The following RHOG variants were observed in gnomAD, a reference collection of about 807,000 sequenced individuals.
The protein encoded by RHOG is rho-related GTP-binding protein RhoG.
In RHOG, 1 loss-of-function variant was observed where a neutral mutation model predicts 12.3. The observed-to-expected ratio is 0.08, with a 90% CI of 0.03 to 0.39. The LOEUF is 0.39. RHOG is among the 10% of genes least tolerant of loss of function. The pLI is 0.99. For missense variants in RHOG, 114 were observed against 266.2 expected, an observed-to-expected ratio of 0.43 and a Z score of 3.98; for synonymous variants, 129 against 116.0, an observed-to-expected ratio of 1.11 and a Z score of -0.72.
intron 1 of RHOG, among the ~76,000 whole-genome samples, chr11:3,831,440 A>G (rs10767640): frequency 0.57 from 76,144 of 133,548 alleles, 19,143 homozygotes; most frequent in Middle Eastern, 0.6. Context: ...GTGCGCGTGC[A>G]CGTGTGCATG....
chr11:3,840,744 C>G (rs1239388649), intron 1 of RHOG, 150 bp downstream of exon 1: 1 of 152,664 alleles, frequency 6.6e-6, no homozygotes, highest in Non-Finnish European at 1.5e-5. Flanking sequence ...CCCGCCCGGC[C>G]GGCCGCGCCC....
At chr11:3,832,987 T>G (rs2090138972) in intron 1 of RHOG, among the ~76,000 whole-genome samples, 1 of 151,898 alleles carries the variant, frequency 6.6e-6, no homozygotes, top group Non-Finnish European at 1.5e-5. Context: ...TGTACACTAG[T>G]CAAGGTTATC....
In RHOG at chr11:3,828,133, C is replaced by G; in HGVS notation, c.6G>C (p.Gln2His). ...CACCCACCACCACGCACTTGATGCT[C>G]TGCATCGTGGGTGCAGTTGCTGTAG... M[Q>H]SIKCVVVGDG... Residue 2 changes from glutamine (Q) to histidine (H), a missense_variant, in exon 2 of 2, where the codon CAG becomes CAC. This residue lies in a region of RHOG where 53 missense variants were observed against 164.8 expected (regional missense o/e 0.32). Coordinates refer to ENST00000351018, the MANE Select transcript of RHOG (RefSeq NM_001665.4). 3 of 1,612,030 alleles carry G rather than the reference C, an allele frequency of 1.9e-6. No homozygotes were observed. Among genetic ancestry groups the G allele is most frequent in the Non-Finnish European group, 2.5e-6 (3 of 1,178,268 alleles).
intron 1 of RHOG, among the ~76,000 whole-genome samples, chr11:3,829,765 G>C (rs1266307059): frequency 6.6e-6 from 1 of 151,574 alleles, no homozygotes; most frequent in African/African-American, 2.4e-5. Context: ...TTTCTTTTTT[G>C]AGACGGAGTC....
In RHOG at chr11:3,827,802, C is replaced by A. The variant is rs749842775; in HGVS notation, c.337G>T (p.Val113Leu). The A allele has an allele frequency of 1.9e-6, 3 of 1,613,814 alleles. No homozygotes were observed. Among genetic ancestry groups the A allele is most frequent in the Non-Finnish European group, 2.5e-6 (3 of 1,179,756 alleles). Residue 113 changes from valine (V) to leucine (L), a missense_variant, in exon 2 of 2, where the codon GTG (valine) becomes TTG (leucine). This residue lies in a region of RHOG where 53 missense variants were observed against 164.8 expected (regional missense o/e 0.32). Coordinates refer to ENST00000351018, the MANE Select transcript of RHOG (RefSeq NM_001665.4). This position sits in a 1 kb window ranked among gnomAD's most constrained non-coding sequence, Gnocchi z 7.3. ...GCTCTCAGGTCCTTCTTGGTGCCCA[C>A]CAGCAGGATGGGCACATCAGGGCAG... ...HHCPDVPILL[V>L]GTKKDLRAQP... is the part of the protein sequence containing the mutation.
intron 1 of RHOG, among the ~76,000 whole-genome samples, chr11:3,839,767 G>A (rs1394735823): frequency 6.6e-6 from 1 of 152,150 alleles, no homozygotes; most frequent in Non-Finnish European, 1.5e-5. Context: ...GTGGGTGGGA[G>A]GGAAGGATAC....
intron 1 of RHOG, among the ~76,000 whole-genome samples, chr11:3,839,998 C>T (rs561596709): frequency 1.3e-4 from 19 of 151,984 alleles, no homozygotes; most frequent in Admixed American, 1.1e-3. Context: ...AGAGTGATGG[C>T]GGATTTGTGG....
At chr11:3,828,236 G>A in intron 1 of RHOG, 30 bp from the exon 2 acceptor site, 1 of 1,134,344 alleles carries the variant, frequency 8.8e-7, no homozygotes, top group South Asian at 1.5e-5. Flanking sequence ...GACATTCTTG[G>A]TTAGGGAGGC....
Position 3,827,257 on chromosome 11 carries a change from A to T in RHOG, c.*306T>A, listed in dbSNP as rs2090083721. ...CAGCAACAACTGTGTGGAAAGCTGGATGAACTGGTCAGTAGCGGAAAATGG... is the reference window on the plus strand; with the variant it reads ...CAGCAACAACTGTGTGGAAAGCTGGTTGAACTGGTCAGTAGCGGAAAATGG... On this transcript the variant is annotated 3_prime_UTR_variant, in exon 2 of 2. Transcript: ENST00000351018. This position sits in a 1 kb window ranked among gnomAD's most constrained non-coding sequence, Gnocchi z 7.3. 2.5e-6 allele frequency: 1 copy of T among 403,692 alleles called. No individual in the cohort carries two copies. The highest frequency in any genetic ancestry group is 4.0e-5 in the Admixed American group (1 of 24,880). 25.0% of individuals were successfully genotyped at this position (403,692 alleles called of 1,614,324 possible). A position where few individuals can be genotyped will look rare whatever the true frequency, so the allele number is the denominator to read the frequency against.
At position 3,835,884 on chromosome 11, in the gene RHOG, T is replaced by C. The variant is rs148333767; in HGVS notation, c.-69+5010A>G. Among the ~76,000 whole-genome samples, 5 of 150,850 alleles carry C rather than the reference T, an allele frequency of 3.3e-5. No individual in the cohort carries two copies. The East Asian group carries it at 9.7e-4, about 29-fold the overall frequency. Reference sequence around the variant, plus strand: ...GAAGGGAGGAATAGAGGAGAGGTGATATAAAGAGGCTCAAAGGGGCTGCAG... The same window carrying C: ...GAAGGGAGGAATAGAGGAGAGGTGACATAAAGAGGCTCAAAGGGGCTGCAG... On this transcript the variant is annotated intron_variant, in intron 1 of 1. Coordinates refer to ENST00000351018, the MANE Select transcript of RHOG (RefSeq NM_001665.4).
chr11:3,827,507 C>T lies in RHOG; in HGVS notation c.*56G>A. 1.4e-6 allele frequency: 2 copies of T among 1,455,832 alleles called. No homozygotes were observed. The highest frequency in any genetic ancestry group is 1.9e-6 in the Non-Finnish European group (2 of 1,060,044). 90.2% of individuals were successfully genotyped at this position (1,455,832 alleles called of 1,614,324 possible). A position where few individuals can be genotyped will look rare whatever the true frequency, so the allele number is the denominator to read the frequency against. The stretch of plus-strand genomic sequence containing the variant: ...AGGCACAGCTGAGGCGGACAAGGCA[C>T]CAAGGCACAACTGGTGGGGGGAGGG... On this transcript the variant is annotated 3_prime_UTR_variant, in exon 2 of 2. Coordinates refer to ENST00000351018, the MANE Select transcript of RHOG (RefSeq NM_001665.4). This position sits in a 1 kb window ranked among gnomAD's most constrained non-coding sequence, Gnocchi z 7.3.
intron 1 of RHOG, chr11:3,830,432 A>G (rs1299954262): frequency 1.3e-5 from 2 of 152,138 alleles, no homozygotes; most frequent in Admixed American, 6.5e-5. Flanking sequence ...AGGCAGGTAG[A>G]TCGCTTGAGC....
At chr11:3,828,652 C>T (rs1440298838) in intron 1 of RHOG, among the ~76,000 whole-genome samples, 1 of 132,130 alleles carries the variant, frequency 7.6e-6, no homozygotes, top group Non-Finnish European at 1.6e-5. Context: ...GAGACAGAGT[C>T]TCACTCTGTC....
In RHOG at chr11:3,827,279, A is replaced by G; in HGVS notation, c.*284T>C. The G allele has an allele frequency of 2.1e-6, 1 of 473,332 alleles. No individual in the cohort carries two copies. Among genetic ancestry groups the G allele is most frequent in the Non-Finnish European group, 3.8e-6 (1 of 262,114 alleles). 29.3% of individuals were successfully genotyped at this position (473,332 alleles called of 1,614,324 possible). A position where few individuals can be genotyped will look rare whatever the true frequency, so the allele number is the denominator to read the frequency against. On this transcript the variant is annotated 3_prime_UTR_variant, in exon 2 of 2. Coordinates refer to ENST00000351018, the MANE Select transcript of RHOG (RefSeq NM_001665.4). This position sits in a 1 kb window ranked among gnomAD's most constrained non-coding sequence, Gnocchi z 7.3. ...TGGATGAACTGGTCAGTAGCGGAAAATGGGAGGGGGCACTGGGTTGGCCTC... is the reference window on the plus strand; with the variant it reads ...TGGATGAACTGGTCAGTAGCGGAAAGTGGGAGGGGGCACTGGGTTGGCCTC...
At chr11:3,828,908 C>T (rs1023071522) in intron 1 of RHOG, among the ~76,000 whole-genome samples, 6 of 151,150 alleles carry the variant, frequency 4.0e-5, no homozygotes, top group Non-Finnish European at 7.4e-5. Flanking sequence ...GCGTGAGCCA[C>T]TGCGCCTGGC....
chr11:3,833,097 CTGTTT>C (rs1441449556), intron 1 of RHOG, among the ~76,000 whole-genome samples: 1 of 151,894 alleles, frequency 6.6e-6, no homozygotes, highest in Non-Finnish European at 1.5e-5. Flanking sequence ...GGTTGCCAAT[CTGTTT>C]TGTTTTGTTT....
At chr11:3,830,946 T>A (rs2090124009) in intron 1 of RHOG, among the ~76,000 whole-genome samples, 1 of 151,870 alleles carries the variant, frequency 6.6e-6, no homozygotes, top group East Asian at 1.9e-4. Context: ...CATGGGGGAC[T>A]CTTGGTGGTC....
rs912012737 is a variant in RHOG at position 3,829,082 on chromosome 11, A to G, written c.-68-876T>C. Among the ~76,000 whole-genome samples, 5 of 152,046 alleles carry G rather than the reference A, an allele frequency of 3.3e-5. No homozygotes were observed. The East Asian group carries it at 7.7e-4, about 24-fold the overall frequency. ...TCCCAGGTCACTCTGTGATGCAGCC[A>G]TAAGTAGAACCTCTCTCAACTCAGG... On this transcript the variant is annotated intron_variant, in intron 1 of 1. Coordinates refer to ENST00000351018, the MANE Select transcript of RHOG (RefSeq NM_001665.4).
At position 3,828,070 on chromosome 11, in the gene RHOG, G is replaced by A. The variant is rs1167498011; in HGVS notation, c.69C>T (p.Tyr23=). 6.2e-7 allele frequency: 1 copy of A among 1,614,270 alleles called. No homozygotes were observed. Among genetic ancestry groups the A allele is most frequent in the South Asian group, 1.1e-5 (1 of 91,092 alleles). ...AVGKTCLLIC[Y]TTNAFPKEYI... is the part of the protein sequence containing the mutation. Reference sequence around the variant, plus strand: ...ACTCTTTGGGGAAAGCGTTAGTTGTGTAGCAGATGAGCAGGCACGTCTTGC... The same window carrying A: ...ACTCTTTGGGGAAAGCGTTAGTTGTATAGCAGATGAGCAGGCACGTCTTGC... The change falls in exon 2 of 2, where the codon TAC becomes TAT. Residue 23 remains tyrosine (Y), a synonymous_variant. Transcript: ENST00000351018.
Sources: gnomAD v4.1 joint callset for allele counts (sites outside exome capture counted in the v4.1 genomes callset) on GRCh38, gnomAD v4.1.1 for gene constraint, gnomAD v4.1.1 regional missense constraint, Gnocchi (gnomAD v3.1) non-coding constraint, MANE v1.5 for transcripts, NCBI Gene and HGNC (gene_info 2026-07-23, HGNC 2026-07-21) for gene names.